FARP1: variants seen among roughly 807,000 people sequenced by gnomAD.
The protein encoded by FARP1 is FERM, ARH/RhoGEF and pleckstrin domain protein 1, also known as FERM, ARHGEF and pleckstrin domain-containing protein 1.
Under a neutral mutation model 128.8 loss-of-function variants are expected in FARP1, and 52 were observed. That is an observed-to-expected ratio of 0.40 (90% CI 0.32 to 0.51). The LOEUF is 0.51. Ranked by LOEUF, FARP1 falls within the 20% of genes least tolerant of loss-of-function variation. FARP1 has a pLI of 0.45. For synonymous variants in FARP1, 580 were observed against 551.8 expected (o/e 1.05, Z -0.72); for missense variants, 1,333 against 1,367.9 (o/e 0.97, Z 0.40).
At chr13:98,322,962 A>G (rs1245422824) in intron 2 of FARP1, among the ~76,000 whole-genome samples, 1 of 152,224 alleles carries the variant, frequency 6.6e-6, no homozygotes, top group Admixed American at 6.5e-5. Flanking sequence ...TCGTAATAGG[A>G]AGAGTTTATG....
chr13:98,333,323 CAGG>C (rs750812239), intron 2 of FARP1: 4 of 151,950 alleles, frequency 2.6e-5, no homozygotes, highest in Non-Finnish European at 4.4e-5. Context: ...TACTCAAGAT[CAGG>C]AGATGACAAA....
At chr13:98,373,678 T>C (rs2139996655) in intron 5 of FARP1, among the ~76,000 whole-genome samples, 1 of 152,298 alleles carries the variant, frequency 6.6e-6, no homozygotes, top group East Asian at 1.9e-4. Flanking sequence ...GTCTGTAGTC[T>C]GTAGGGCACT....
chr13:98,197,353 C>T (rs1879622876), intron 1 of FARP1, among the ~76,000 whole-genome samples: 1 of 152,004 alleles, frequency 6.6e-6, no homozygotes, highest in African/African-American at 2.4e-5. Flanking sequence ...GTAATCCCAG[C>T]TACTCGGGAG....
intron 1 of FARP1, among the ~76,000 whole-genome samples, chr13:98,189,000 C>T (rs1362999938): frequency 6.6e-6 from 1 of 152,200 alleles, no homozygotes; most frequent in Non-Finnish European, 1.5e-5. Flanking sequence ...GCCAGCTCCA[C>T]AGGTGTCAGA....
chr13:98,447,116 C>A, intron 26 of FARP1: 2 of 327,948 alleles, frequency 6.1e-6, no homozygotes, highest in Non-Finnish European at 1.1e-5. Flanking sequence ...AGTGAGACTG[C>A]CTACATGGTG....
At chr13:98,333,365 C>T in intron 2 of FARP1, 1 of 151,438 alleles carries the variant, frequency 6.6e-6, no homozygotes. Flanking sequence ...TGGATTCTCC[C>T]CTAAATGTTT....
At chr13:98,287,143 TG>T (rs1260141924) in intron 2 of FARP1, among the ~76,000 whole-genome samples, 3 of 151,876 alleles carry the variant, frequency 2.0e-5, no homozygotes, top group Non-Finnish European at 4.4e-5. Flanking sequence ...CAAATATTTT[TG>T]TTTTCTCTGC....
At chr13:98,446,489 C>T in intron 25 of FARP1, 177 bp from the exon 26 acceptor site, 2 of 657,614 alleles carry the variant, frequency 3.0e-6, no homozygotes, top group Non-Finnish European at 5.2e-6. Context: ...CCTGGCGGGA[C>T]TTGCCACCCG....
chr13:98,241,162 G>A (rs117748285), intron 2 of FARP1, among the ~76,000 whole-genome samples: 7,829 of 152,296 alleles, frequency 0.051, 295 homozygotes, highest in Non-Finnish European at 0.078. Flanking sequence ...GGAAGAGTCA[G>A]GAATGAGGTG....
chr13:98,270,248 T>C (rs1237283957), intron 2 of FARP1, among the ~76,000 whole-genome samples: 1 of 152,192 alleles, frequency 6.6e-6, no homozygotes, highest in Non-Finnish European at 1.5e-5. Flanking sequence ...GCCCATCCCT[T>C]CTCATTTGGT....
At position 98,384,846 on chromosome 13, in the gene FARP1, TA is replaced by T; in HGVS notation, c.611+4del. On this transcript the variant is annotated splice_donor_region_variant and intron_variant, in intron 7 of 26. Coordinates refer to ENST00000319562, the MANE Select transcript of FARP1 (RefSeq NM_005766.4). ...CGTGGAATTTCACCATAACCACATG[TA>T]AGTCTCATTCTTGGCTTCATATTCC... The T allele has an allele frequency of 6.3e-7, 1 of 1,576,572 alleles. No homozygotes were observed. The highest frequency in any genetic ancestry group is 8.7e-7 in the Non-Finnish European group (1 of 1,145,758).
At chr13:98,317,140 A>T (rs549239568) in intron 2 of FARP1, among the ~76,000 whole-genome samples, 254 of 152,300 alleles carry the variant, frequency 1.7e-3, no homozygotes, top group African/African-American at 5.8e-3. Context: ...TGCCAAGAAG[A>T]TGGGTTATTA....
intron 2 of FARP1, among the ~76,000 whole-genome samples, chr13:98,338,073 G>A (rs2139854102): frequency 6.6e-6 from 1 of 152,252 alleles, no homozygotes; most frequent in Admixed American, 6.5e-5. Flanking sequence ...GTTTATAGAT[G>A]TGAGCCCTGT....
intron 2 of FARP1, among the ~76,000 whole-genome samples, chr13:98,277,397 G>A (rs1300973966): frequency 6.6e-6 from 1 of 152,092 alleles, no homozygotes; most frequent in Non-Finnish European, 1.5e-5. Flanking sequence ...TTGAACTCCT[G>A]GCCTTAGGTG....
At chr13:98,337,538 C>CGTGTGTGTGTGTGTGTGT (rs60625244) in intron 2 of FARP1, among the ~76,000 whole-genome samples, 3 of 132,008 alleles carry the variant, frequency 2.3e-5, no homozygotes, top group Non-Finnish European at 3.2e-5. Flanking sequence ...TCTGTGTAGC[C>CGTGTGTGTGTGTGTGTGT]GTGTGTGTGT....
Position 98,431,176 on chromosome 13 carries a change from C to A in FARP1, c.2039C>A (p.Thr680Asn). 1 of 1,613,908 alleles carries A rather than the reference C, an allele frequency of 6.2e-7. No homozygotes were observed. The highest frequency in any genetic ancestry group is 8.5e-7 in the Non-Finnish European group (1 of 1,179,914). ...AAGGTGTGTTACCTACCGCTCAACA[C>A]CTTCCTCCTGCGGCCACTGCACCGG... ...LQKVCYLPLN[T>N]FLLRPLHRLM... is the part of the protein sequence containing the mutation. Residue 680 changes from threonine to asparagine, a missense_variant, in exon 18 of 27, where the codon ACC (threonine) becomes AAC (asparagine). By Grantham distance (65) the Thr-to-Asn change is moderately conservative. Coordinates refer to ENST00000319562, the MANE Select transcript of FARP1 (RefSeq NM_005766.4).
intron 12 of FARP1, 33 bp from the exon 13 acceptor site, chr13:98,395,194 A>C (rs201724185): frequency 1.4e-4 from 218 of 1,562,496 alleles, no homozygotes; most frequent in Non-Finnish European, 1.8e-4. Context: ...CCTCTTCTCT[A>C]TCTCTCCGCA....
intron 2 of FARP1, among the ~76,000 whole-genome samples, chr13:98,287,717 T>C (rs1335634539): frequency 6.6e-6 from 1 of 151,904 alleles, no homozygotes; most frequent in Non-Finnish European, 1.5e-5. Flanking sequence ...TCATGCATAA[T>C]CTTTAAAAAA....
At chr13:98,296,521 G>GC (rs1555334987) in intron 2 of FARP1, among the ~76,000 whole-genome samples, 3 of 146,860 alleles carry the variant, frequency 2.0e-5, no homozygotes, top group South Asian at 2.2e-4. Context: ...GGGACCCCCC[G>GC]CTCTTCATGC....
Sources: gnomAD v4.1 joint callset for allele counts (sites outside exome capture counted in the v4.1 genomes callset) on GRCh38, gnomAD v4.1.1 for gene constraint, MANE v1.5 for transcripts, NCBI Gene and HGNC (gene_info 2026-07-23, HGNC 2026-07-21) for gene names.